The following GRIK2 variants were observed in gnomAD, a reference collection of about 807,000 sequenced individuals.
The protein encoded by GRIK2 is glutamate receptor ionotropic, kainate 2.
In GRIK2, 32 loss-of-function variants were observed where a neutral mutation model predicts 100.3. The ratio of observed to expected loss-of-function variants is 0.32; its 90% CI spans 0.24 to 0.43. The LOEUF (loss-of-function observed/expected upper bound fraction) is 0.43. Ranked by LOEUF, GRIK2 falls within the 20% of genes least tolerant of loss-of-function variation. The pLI is 1.00. For synonymous variants in GRIK2, 417 were observed against 389.4 expected, an observed-to-expected ratio of 1.07 and a Z score of -0.83; for missense variants, 843 against 1,114.9, an observed-to-expected ratio of 0.76 and a Z score of 3.47.
At chr6:101,748,920 A>G (rs1377156144) in intron 7 of GRIK2, among the ~76,000 whole-genome samples, 1 of 152,232 alleles carries the variant, frequency 6.6e-6, no homozygotes, top group Non-Finnish European at 1.5e-5. Flanking sequence ...GACAGTAAAT[A>G]CTAAATTTGC....
At chr6:101,815,341 C>T (rs1337166349) in intron 9 of GRIK2, among the ~76,000 whole-genome samples, 1 of 152,066 alleles carries the variant, frequency 6.6e-6, no homozygotes, top group African/African-American at 2.4e-5. Context: ...AAGAAGAAAT[C>T]AAAGAGCCAA....
intron 12 of GRIK2, among the ~76,000 whole-genome samples, chr6:101,910,917 A>C: frequency 1.8e-5 from 1 of 56,796 alleles, no homozygotes. Flanking sequence ...AAGATAAATA[A>C]TTTTTCAAGT....
chr6:101,446,081 T>C (rs114633590), intron 2 of GRIK2, among the ~76,000 whole-genome samples: 1,895 of 152,102 alleles, frequency 0.012, 30 homozygotes, highest in African/African-American at 0.044. Context: ...GTGTTACCTC[T>C]ATCCACTCAG....
chr6:102,030,541 C>A (rs1458618675), intron 14 of GRIK2, among the ~76,000 whole-genome samples: 3 of 151,190 alleles, frequency 2.0e-5, no homozygotes, highest in Non-Finnish European at 4.4e-5. Context: ...CCAAGAAACT[C>A]TCTGTTGCCA....
chr6:101,448,787 G>A (rs1281427502), intron 2 of GRIK2, among the ~76,000 whole-genome samples: 1 of 151,504 alleles, frequency 6.6e-6, no homozygotes, highest in Non-Finnish European at 1.5e-5. Context: ...TAAAATACAA[G>A]CATTAGAACT....
At position 102,068,893 on chromosome 6, in the gene GRIK2, A is replaced by T. The variant is rs756198838; in HGVS notation, c.*382A>T. The T allele has an allele frequency of 6.9e-5, 12 of 173,466 alleles. No individual in the cohort carries two copies. The highest frequency in any genetic ancestry group is 1.1e-4 in the Non-Finnish European group (9 of 80,766). The allele number at this position is 173,466 out of a possible 1,614,324, so 10.7% of individuals were successfully genotyped here. On this transcript the variant is annotated 3_prime_UTR_variant, in exon 17 of 17. Transcript: ENST00000369134. ...AGGGCAACCAATAAAAGTGTCACTAAGAATATAAATATTTGGAATCAGCAA... is the reference window on the plus strand; with the variant it reads ...AGGGCAACCAATAAAAGTGTCACTATGAATATAAATATTTGGAATCAGCAA...
At chr6:101,924,802 C>T (rs1166711614) in intron 13 of GRIK2, 83 bp downstream of exon 13, 3 of 836,590 alleles carry the variant, frequency 3.6e-6, no homozygotes, top group East Asian at 2.4e-5. Flanking sequence ...GCACAAGTCG[C>T]TTGCATGGGT....
intron 15 of GRIK2, among the ~76,000 whole-genome samples, chr6:102,047,557 G>T (rs1360237233): frequency 1.3e-5 from 2 of 152,080 alleles, no homozygotes; most frequent in African/African-American, 4.8e-5. Context: ...AGACCAGCCT[G>T]GCCAACATGG....
At chr6:101,559,129 C>A (rs1776878055) in intron 2 of GRIK2, among the ~76,000 whole-genome samples, 1 of 152,024 alleles carries the variant, frequency 6.6e-6, no homozygotes, top group Non-Finnish European at 1.5e-5. Context: ...TTAGTTTATG[C>A]CATCACATTT....
intron 9 of GRIK2, among the ~76,000 whole-genome samples, chr6:101,804,470 A>C (rs1583183255): frequency 1.3e-5 from 2 of 151,994 alleles, no homozygotes; most frequent in African/African-American, 4.8e-5. Flanking sequence ...CCATTCTAAT[A>C]GGAAGTGGAG....
At chr6:101,444,941 C>T (rs1389616065) in intron 2 of GRIK2, among the ~76,000 whole-genome samples, 1 of 152,108 alleles carries the variant, frequency 6.6e-6, no homozygotes, top group Non-Finnish European at 1.5e-5. Context: ...TGCTGCATGT[C>T]TCATTCTATT....
intron 15 of GRIK2, 97 bp from the exon 16 acceptor site, chr6:102,055,233 C>G (rs990168027): frequency 1.2e-6 from 1 of 855,762 alleles, no homozygotes; most frequent in Admixed American, 2.6e-5. Flanking sequence ...CACTTTGAAG[C>G]ATTTTGAAAA....
At chr6:102,012,622 A>G (rs1386731042) in intron 14 of GRIK2, among the ~76,000 whole-genome samples, 13 of 152,146 alleles carry the variant, frequency 8.5e-5, no homozygotes, top group Admixed American at 8.5e-4. Flanking sequence ...GCAAATAGTA[A>G]TGTGTTTGTT....
intron 2 of GRIK2, among the ~76,000 whole-genome samples, chr6:101,494,025 T>C (rs986758396): frequency 2.3e-5 from 2 of 86,976 alleles, no homozygotes; most frequent in African/African-American, 6.3e-5. Context: ...ATAAAAATTA[T>C]ATATATAATT....
intron 2 of GRIK2, among the ~76,000 whole-genome samples, chr6:101,407,957 T>C (rs150467490): frequency 6.6e-6 from 1 of 152,150 alleles, no homozygotes; most frequent in Non-Finnish European, 1.5e-5. Context: ...AAATGTATCA[T>C]TGGTGGAAGA....
intron 7 of GRIK2, among the ~76,000 whole-genome samples, chr6:101,728,073 ATTATT>A (rs986702691): frequency 2.4e-4 from 36 of 152,198 alleles, no homozygotes; most frequent in African/African-American, 7.9e-4. Flanking sequence ...AATTCATATA[ATTATT>A]TTATTGAGAT....
intron 10 of GRIK2, among the ~76,000 whole-genome samples, chr6:101,825,872 G>A (rs1454834273): frequency 6.6e-6 from 1 of 151,980 alleles, no homozygotes; most frequent in African/African-American, 2.4e-5. Flanking sequence ...ATATACACTT[G>A]TACAATCTGA....
intron 2 of GRIK2, among the ~76,000 whole-genome samples, chr6:101,469,357 C>A (rs1771829627): frequency 6.6e-6 from 1 of 152,118 alleles, no homozygotes; most frequent in Non-Finnish European, 1.5e-5. Flanking sequence ...AAGACCCATG[C>A]TAGTGAAAGG....
chr6:101,402,547 G>A (rs980654411), intron 2 of GRIK2, among the ~76,000 whole-genome samples: 4 of 152,304 alleles, frequency 2.6e-5, no homozygotes, highest in Admixed American at 2.6e-4. Context: ...GCAGCGACCT[G>A]AGGGTCAACC....
Sources: allele counts gnomAD v4.1 joint callset (sites outside exome capture counted in the v4.1 genomes callset), GRCh38; gene constraint gnomAD v4.1.1; transcripts MANE v1.5; gene names NCBI Gene and HGNC (gene_info 2026-07-23, HGNC 2026-07-21).